The following AGRN variants were observed in gnomAD, a reference collection of about 807,000 sequenced individuals.
The protein encoded by AGRN is agrin.
AGRN carries 106 observed loss-of-function variants against 211.0 expected under a neutral mutation model. That is an observed-to-expected ratio of 0.50 (90% CI 0.43 to 0.59). AGRN has a LOEUF of 0.59. AGRN is among the 20% of genes least tolerant of loss of function. The pLI is 0.00. For missense variants in AGRN, 3,040 were observed against 2,982.6 expected (o/e 1.02, Z -0.45); for synonymous variants, 1,525 against 1,332.5 (o/e 1.14, Z -3.15).
In AGRN at chr1:1,041,517, G is replaced by A; in HGVS notation, c.992G>A (p.Cys331Tyr). 6.2e-7 allele frequency: 1 copy of A among 1,601,596 alleles called. No homozygotes were observed. Among genetic ancestry groups the A allele is most frequent in the Non-Finnish European group, 8.5e-7 (1 of 1,178,706 alleles). ...GCCCTCCCTGACCCGAGCCGCAGCTGCCGTGTGAACCCGCGCACGCGGCGC... is the reference window on the plus strand; with the variant it reads ...GCCCTCCCTGACCCGAGCCGCAGCTACCGTGTGAACCCGCGCACGCGGCGC... ...QGALPDPSRS[C>Y]RVNPRTRRPE... The change falls in exon 6 of 36, where the codon TGC becomes TAC. Residue 331 changes from cysteine to tyrosine, a missense_variant. Physicochemically the swap from Cys to Tyr is radical, Grantham distance 194 (BLOSUM62 -2). Around this residue, in one of 3 missense-constraint regions of AGRN, gnomAD observed 1,498 missense variants for 1,457.8 expected, o/e 1.03. Coordinates refer to ENST00000379370, the MANE Select transcript of AGRN (RefSeq NM_198576.4).
chr1:1,045,575 A>AC (rs139005472), intron 14 of AGRN, 52 bp downstream of exon 14: 2 of 1,605,918 alleles, frequency 1.2e-6, no homozygotes, highest in Admixed American at 3.4e-5. Flanking sequence ...CTACCTGTTC[A>AC]CCCCCATCAC....
intron 34 of AGRN, 120 bp downstream of exon 34, chr1:1,054,097 C>T (rs957129624): frequency 3.3e-5 from 36 of 1,105,154 alleles, no homozygotes; most frequent in Middle Eastern, 2.8e-4. Context: ...CTGCCTGAGC[C>T]GAGGTCACTG....
rs1362706828 is a variant in AGRN, at chr1:1,050,268, G to T, written c.4915G>T (p.Asp1639Tyr). Residue 1639 changes from aspartate to tyrosine, a missense_variant, in exon 28 of 36, where the codon GAC becomes TAC. This residue lies in a region of AGRN where 1,537 missense variants were observed against 1,505.0 expected (regional missense o/e 1.02). Coordinates refer to ENST00000379370, the MANE Select transcript of AGRN (RefSeq NM_198576.4). ...GQDGSGPFLA[D>Y]FNGFSHLELR... ...GGACGGCTCTGGGCCCTTCCTGGCT[G>T]ACTTCAACGGCTTCTCCCACCTGGA... 1 of 1,613,184 alleles carries T rather than the reference G, an allele frequency of 6.2e-7. No homozygotes were observed. Among genetic ancestry groups the T allele is most frequent in the African/African-American group, 1.3e-5 (1 of 74,968 alleles).
chr1:1,054,942 C>G lies in AGRN; in HGVS notation c.6099C>G (p.Ala2033=). 1.3e-6 allele frequency: 2 copies of G among 1,549,068 alleles called. No individual in the cohort carries two copies. The highest frequency in any genetic ancestry group is 2.4e-5 in the East Asian group (1 of 40,980). ...ACCCGCTGCACCTGCTGGAGGACGC[C>G]GTCACCAAGCCAGAGCTGCGGCCCT... The part of the protein sequence containing the change: ...GRHPLHLLED[A]VTKPELRPCP... The change falls in exon 36 of 36, where the codon GCC becomes GCG. Residue 2033 remains alanine (A), a synonymous_variant. Coordinates refer to ENST00000379370, the MANE Select transcript of AGRN (RefSeq NM_198576.4).
rs368072930 is a variant in AGRN, at chr1:1,031,125, A to ATG, written c.464-4141_464-4140dup. ...TGTGCGGTGCATGGTGCTGTGTGAG[A>ATG]TGTGTGTGTGTGCAGTGCATGGTGC... is the stretch of plus-strand genomic sequence containing the variant. On this transcript the variant is annotated intron_variant, in intron 2 of 35. Coordinates refer to ENST00000379370, the MANE Select transcript of AGRN (RefSeq NM_198576.4). The surrounding 1 kb of genome is among the most constrained non-coding windows in gnomAD (Gnocchi z 4.8). 3.4e-4 allele frequency among the ~76,000 whole-genome samples: 25 copies of ATG among 73,132 alleles called. No individual in the cohort carries two copies. The highest frequency in any genetic ancestry group is 3.3e-4 in the Non-Finnish European group (13 of 38,924). 48.0% of individuals were successfully genotyped at this position (73,132 alleles called of 152,430 possible).
chr1:1,051,110 C>G (rs1047717092), intron 30 of AGRN, 143 bp from the exon 31 acceptor site: 14 of 1,540,276 alleles, frequency 9.1e-6, no homozygotes, highest in African/African-American at 2.7e-5. Flanking sequence ...TCCTCCCCCA[C>G]TAAGGACCCT....
chr1:1,047,279 GGATGCCAGGCA>G (rs750723557), intron 19 of AGRN, 37 bp from the exon 20 acceptor site: 114 of 1,555,480 alleles, frequency 7.3e-5, no homozygotes, highest in African/African-American at 1.2e-4. Context: ...GGGCCAGCCT[GGATGCCAGGCA>G]GATGCCAGGC....
intron 7 of AGRN, among the ~76,000 whole-genome samples, 181 bp from the exon 8 acceptor site, chr1:1,043,058 C>T (rs562547220): frequency 7.9e-5 from 12 of 152,258 alleles, no homozygotes; most frequent in African/African-American, 2.2e-4. Flanking sequence ...GTGTTCCGCT[C>T]GCCTCTGCCG....
intron 30 of AGRN, 156 bp from the exon 31 acceptor site, chr1:1,051,097 A>AACCCCTAGGGTT: frequency 6.5e-7 from 1 of 1,537,126 alleles, no homozygotes; most frequent in Non-Finnish European, 8.8e-7. Context: ...CCCCTAGGGT[A>AACCCCTAGGGTT]GCTCCTCCCC....
chr1:1,047,467 C>T lies in AGRN; in HGVS notation c.3516+13C>T, dbSNP rs759089800. On this transcript the variant is annotated intron_variant, in intron 20 of 35. Coordinates refer to ENST00000379370, the MANE Select transcript of AGRN (RefSeq NM_198576.4). The stretch of plus-strand genomic sequence containing the variant: ...CATTGAGAGCACCGTAAGACGGGGG[C>T]GCAGCCCCCACCTACCCACTGGCCT... 6.2e-6 allele frequency: 10 copies of T among 1,612,562 alleles called. No individual in the cohort carries two copies. In the Admixed American group the frequency reaches 1.3e-4, roughly 22 times the overall value.
rs921728092 is a variant in AGRN, at chr1:1,055,205, C to A, written c.*224C>A. The stretch of plus-strand genomic sequence containing the variant: ...GGATGGCAGCCTCAGGACACACACC[C>A]CTGCCTCAAGGTGCTGAGCCCCCGC... On this transcript the variant is annotated 3_prime_UTR_variant, in exon 36 of 36. Coordinates refer to ENST00000379370, the MANE Select transcript of AGRN (RefSeq NM_198576.4). 1 of 695,548 alleles carries A rather than the reference C, an allele frequency of 1.4e-6. No individual in the cohort carries two copies. The highest frequency in any genetic ancestry group is 2.4e-6 in the Non-Finnish European group (1 of 412,800). The allele number at this position is 695,548 out of a possible 1,614,324, so 43.1% of individuals were successfully genotyped here. A position where few individuals can be genotyped will look rare whatever the true frequency, so the allele number is the denominator to read the frequency against.
In AGRN at chr1:1,047,309, A is replaced by T; in HGVS notation, c.3389-18A>T. Reference sequence around the variant, plus strand: ...CCAGGCAGATGCCAGGCAGGGCCTCACTGTACCTCCCCCACAGCCACCAAG... The same window carrying T: ...CCAGGCAGATGCCAGGCAGGGCCTCTCTGTACCTCCCCCACAGCCACCAAG... On this transcript the variant is annotated intron_variant, in intron 19 of 35. Coordinates refer to ENST00000379370, the MANE Select transcript of AGRN (RefSeq NM_198576.4). 1 of 1,588,014 alleles carries T rather than the reference A, an allele frequency of 6.3e-7. No homozygotes were observed. The highest frequency in any genetic ancestry group is 8.6e-7 in the Non-Finnish European group (1 of 1,168,324).
rs1480435803 is a variant in AGRN at position 1,040,876 on chromosome 1, G to T, written c.723G>T (p.Pro241=). Residue 241 remains proline, a synonymous_variant, in exon 4 of 36, where the codon CCG becomes CCT. Transcript: ENST00000379370. ...GCATCCGCCTGCTCAGCCGCGGGCCGTGCGGTGAGCGGGGCGGGGCCGGTG... is the reference window on the plus strand; with the variant it reads ...GCATCCGCCTGCTCAGCCGCGGGCCTTGCGGTGAGCGGGGCGGGGCCGGTG... ...QRRIRLLSRG[P]CGSRDPCSNV... 4 of 1,513,572 alleles carry T rather than the reference G, an allele frequency of 2.6e-6. No individual in the cohort carries two copies. The African/African-American group carries it at 5.8e-5, about 22-fold the overall frequency. The allele number at this position is 1,513,572 out of a possible 1,614,324, so 93.8% of individuals were successfully genotyped here. A position where few individuals can be genotyped will look rare whatever the true frequency, so the allele number is the denominator to read the frequency against.
Position 1,047,883 on chromosome 1 carries a change from T to G in AGRN, c.3739T>G (p.Phe1247Val), listed in dbSNP as rs758413010. 6.2e-7 allele frequency: 1 copy of G among 1,605,616 alleles called. No individual in the cohort carries two copies. The highest frequency in any genetic ancestry group is 8.5e-7 in the Non-Finnish European group (1 of 1,177,158). Reference protein sequence around the residue: ...VRRPLQEHVRFMDFDWFPAFI... With the variant: ...VRRPLQEHVRVMDFDWFPAFI... ...GCGGCCGCTGCAGGAGCACGTGCGA[T>G]TTATGGACTTTGGTGAGCGCCAGGC... The change falls in exon 22 of 36, where the codon TTT (phenylalanine) becomes GTT (valine). Residue 1247 changes from phenylalanine to valine, a missense_variant. Phe to Val is a conservative substitution (Grantham distance 50). Coordinates refer to ENST00000379370, the MANE Select transcript of AGRN (RefSeq NM_198576.4).
Position 1,055,164 on chromosome 1 carries a change from G to A in AGRN, c.*183G>A, listed in dbSNP as rs1292002906. 20 of 994,990 alleles carry A rather than the reference G, an allele frequency of 2.0e-5. No individual in the cohort carries two copies. Among genetic ancestry groups the A allele is most frequent in the African/African-American group, 9.7e-5 (6 of 62,130 alleles). 61.6% of individuals were successfully genotyped at this position (994,990 alleles called of 1,614,324 possible). A position where few individuals can be genotyped will look rare whatever the true frequency, so the allele number is the denominator to read the frequency against. On this transcript the variant is annotated 3_prime_UTR_variant, in exon 36 of 36. Coordinates refer to ENST00000379370, the MANE Select transcript of AGRN (RefSeq NM_198576.4). ...AGGGATGGACAGGCGAGGTGGCAGC[G>A]TGGAGGGCTCGGCGTGGATGGCAGC... is the stretch of plus-strand genomic sequence containing the variant.
rs116010269 is a variant in AGRN, at chr1:1,035,408, G to A, written c.511+84G>A. 4,159 of 1,528,076 alleles carry A rather than the reference G, an allele frequency of 2.7e-3. 95 individuals carry two copies. In the African/African-American group the frequency reaches 0.051, roughly 19 times the overall value. The allele number at this position is 1,528,076 out of a possible 1,614,324, so 94.7% of individuals were successfully genotyped here. A position where few individuals can be genotyped will look rare whatever the true frequency, so the allele number is the denominator to read the frequency against. On this transcript the variant is annotated intron_variant, in intron 3 of 35. Transcript: ENST00000379370. Reference sequence around the variant, plus strand: ...GCCATTTGGAGGTGTGCACCCAGACGTGTGGAGTGTGTCTGGAGTGAGGAG... The same window carrying A: ...GCCATTTGGAGGTGTGCACCCAGACATGTGGAGTGTGTCTGGAGTGAGGAG...
At position 1,043,483 on chromosome 1, in the gene AGRN, G is replaced by C. The variant is rs765216455; in HGVS notation, c.1603+26G>C. 1.9e-6 allele frequency: 3 copies of C among 1,599,302 alleles called. No homozygotes were observed. In the East Asian group the frequency reaches 6.7e-5, roughly 36 times the overall value. On this transcript the variant is annotated intron_variant, in intron 8 of 35. Transcript: ENST00000379370. ...GTCAGTGGCGGGTGAGGGGTCTGGT[G>C]GGGGTCGGGGAGAGAGAGGTTCCTG... is the stretch of plus-strand genomic sequence containing the variant.
chr1:1,054,003 G>C, intron 34 of AGRN, 26 bp downstream of exon 34: 1 of 1,565,442 alleles, frequency 6.4e-7, no homozygotes, highest in South Asian at 1.2e-5. Flanking sequence ...AGCGTGCCGA[G>C]AATAGTGGCG....
chr1:1,030,533 G>A (rs866359877), intron 2 of AGRN, among the ~76,000 whole-genome samples: 21 of 108,680 alleles, frequency 1.9e-4, no homozygotes, highest in Non-Finnish European at 3.3e-4. Context: ...TGAGATCAGC[G>A]TGTGTGTGTG....
Sources: gnomAD v4.1 joint callset for allele counts (sites outside exome capture counted in the v4.1 genomes callset) on GRCh38, gnomAD v4.1.1 for gene constraint, gnomAD v4.1.1 regional missense constraint, Gnocchi (gnomAD v3.1) non-coding constraint, MANE v1.5 for transcripts, NCBI Gene and HGNC (gene_info 2026-07-23, HGNC 2026-07-21) for gene names.